PLCZ1: variants seen among roughly 807,000 people sequenced by gnomAD.
PLCZ1 encodes phospholipase C zeta 1.
A neutral mutation model predicts 76.8 loss-of-function variants in PLCZ1; 64 were observed. The ratio of observed to expected loss-of-function variants is 0.83; its 90% CI spans 0.68 to 1.03. PLCZ1 has a LOEUF of 1.03. Ranked by LOEUF, PLCZ1 falls within the 50% of genes least tolerant of loss-of-function variation. The pLI, the probability that PLCZ1 is intolerant of heterozygous loss-of-function variation, is 0.00. For missense variants in PLCZ1, 751 were observed against 713.7 expected, an observed-to-expected ratio of 1.05 and a Z score of -0.60; for synonymous variants, 248 against 230.8, an observed-to-expected ratio of 1.07 and a Z score of -0.68.
chr12:18,735,212 T>G (rs962694299), intron 3 of PLCZ1, among the ~76,000 whole-genome samples: 9 of 152,360 alleles, frequency 5.9e-5, no homozygotes, highest in African/African-American at 2.2e-4. Flanking sequence ...CCTAAAGTTT[T>G]GTTTTCTTGT....
At chr12:18,659,827 A>G in the PLCZ1 span, among the ~76,000 whole-genome samples, 1 of 152,132 alleles carries the variant, frequency 6.6e-6, no homozygotes, top group African/African-American at 2.4e-5. Context: ...TAAAGGAGAA[A>G]TTAAGACTCT....
At chr12:18,668,339 T>G in the PLCZ1 span, among the ~76,000 whole-genome samples, 9 of 152,188 alleles carry the variant, frequency 5.9e-5, no homozygotes, top group Non-Finnish European at 5.9e-5. Context: ...AGAACATATC[T>G]TTGCCACTTT....
intron 3 of PLCZ1, among the ~76,000 whole-genome samples, chr12:18,728,902 A>G (rs1958897330): frequency 6.6e-6 from 1 of 152,068 alleles, no homozygotes; most frequent in African/African-American, 2.4e-5. Context: ...CAACTAAAGT[A>G]AGAAACCATA....
rs114541270 is a variant in PLCZ1, at chr12:18,716,808, A to G, written c.569+2623T>C. 7.2e-3 allele frequency among the ~76,000 whole-genome samples: 1,091 copies of G among 152,328 alleles called. 13 individuals are homozygous for G. Among genetic ancestry groups the G allele is most frequent in the African/African-American group, 0.025 (1,059 of 41,584 alleles). On this transcript the variant is annotated intron_variant, in intron 5 of 14. Coordinates refer to ENST00000266505, the MANE Select transcript of PLCZ1 (RefSeq NM_033123.4). ...TAACTTATTTAGATTGTGTAATGTT[A>G]CTATTTTCTATTTGAAGTTGAATTT...
At chr12:18,713,121 G>A in intron 5 of PLCZ1, 135 bp from the exon 6 acceptor site, 1 of 1,206,730 alleles carries the variant, frequency 8.3e-7, no homozygotes, top group Admixed American at 2.2e-5. Context: ...ATAAAAACTT[G>A]TCTTTGGGAC....
At chr12:18,688,292 T>C in intron 12 of PLCZ1, 74 bp from the exon 13 acceptor site, 1 of 1,473,112 alleles carries the variant, frequency 6.8e-7, no homozygotes, top group Non-Finnish European at 9.2e-7. Context: ...AAAATTAAGT[T>C]ATGTATTACA....
chr12:18,704,430 A>T (rs1413669592), intron 7 of PLCZ1, among the ~76,000 whole-genome samples: 1 of 152,164 alleles, frequency 6.6e-6, no homozygotes, highest in Admixed American at 6.5e-5. Context: ...GGTTCAAGCG[A>T]TTCTCCTGCC....
At chr12:18,683,134 T>A (rs537754010), downstream of PLCZ1, 2 of 943,910 alleles carry the variant, frequency 2.1e-6, no homozygotes, top group African/African-American at 3.3e-5. Context: ...TCTAGTTTTA[T>A]GAGTAATTAT....
At chr12:18,690,111 C>A (rs1165141934) in intron 12 of PLCZ1, among the ~76,000 whole-genome samples, 1 of 152,126 alleles carries the variant, frequency 6.6e-6, no homozygotes, top group Non-Finnish European at 1.5e-5. Context: ...CTTTACTATT[C>A]ATAACAGGAA....
chr12:18,684,964 T>C (rs1406796437), intron 13 of PLCZ1, among the ~76,000 whole-genome samples: 1 of 151,942 alleles, frequency 6.6e-6, no homozygotes, highest in Non-Finnish European at 1.5e-5. Flanking sequence ...CCAAATTTGT[T>C]TCCCCTTCAC....
intron 2 of PLCZ1, chr12:18,736,599 G>A (rs1210393836): frequency 2.2e-5 from 29 of 1,298,856 alleles, no homozygotes; most frequent in African/African-American, 4.5e-5. Flanking sequence ...GAGAATTGAA[G>A]TCATTACTTA....
intron 10 of PLCZ1, among the ~76,000 whole-genome samples, chr12:18,696,961 CTATT>C (rs1955151759): frequency 6.6e-6 from 1 of 152,116 alleles, no homozygotes; most frequent in Non-Finnish European, 1.5e-5. Context: ...CACACACAGT[CTATT>C]TTAGTTTCTG....
intron 10 of PLCZ1, among the ~76,000 whole-genome samples, chr12:18,697,858 C>A (rs1003736185): frequency 6.7e-6 from 1 of 148,696 alleles, no homozygotes; most frequent in Non-Finnish European, 1.5e-5. Context: ...TGAAGTTAAA[C>A]CTTTGCAGAC....
At chr12:18,690,045 G>A (rs1953822005) in intron 12 of PLCZ1, among the ~76,000 whole-genome samples, 1 of 152,106 alleles carries the variant, frequency 6.6e-6, no homozygotes, top group Non-Finnish European at 1.5e-5. Flanking sequence ...GTGAGCATTT[G>A]TGCACACTAG....
chr12:18,674,874 G>A, the PLCZ1 span, among the ~76,000 whole-genome samples: 1 of 152,114 alleles, frequency 6.6e-6, no homozygotes, highest in Non-Finnish European at 1.5e-5. Flanking sequence ...AGCCTGTGAA[G>A]AACCCTGGGA....
At chr12:18,670,946 G>T in the PLCZ1 span, among the ~76,000 whole-genome samples, 3 of 152,106 alleles carry the variant, frequency 2.0e-5, no homozygotes, top group African/African-American at 7.2e-5. Context: ...ACTTTGGGAG[G>T]CTGAGGCAGG....
At chr12:18,719,335 C>A (rs1435449664) in intron 5 of PLCZ1, 96 bp downstream of exon 5, 1 of 641,232 alleles carries the variant, frequency 1.6e-6, no homozygotes, top group African/African-American at 1.9e-5. Flanking sequence ...CATGGAGAGT[C>A]TTCTTTTTAT....
intron 3 of PLCZ1, chr12:18,731,045 G>A (rs1959021172): frequency 6.6e-6 from 1 of 151,962 alleles, no homozygotes; most frequent in Admixed American, 6.6e-5. Flanking sequence ...TGCAACTTTG[G>A]TTTTCACTGG....
chr12:18,718,317 C>G (rs1023670110), intron 5 of PLCZ1, among the ~76,000 whole-genome samples: 3 of 152,128 alleles, frequency 2.0e-5, no homozygotes, highest in Non-Finnish European at 4.4e-5. Flanking sequence ...CTTCCCAAAT[C>G]ATCTTCTACC....
Sources: gnomAD v4.1 joint callset for allele counts (sites outside exome capture counted in the v4.1 genomes callset) on GRCh38, gnomAD v4.1.1 for gene constraint, MANE v1.5 for transcripts, NCBI Gene and HGNC (gene_info 2026-07-23, HGNC 2026-07-21) for gene names.